LARP1: variants seen among roughly 807,000 people sequenced by gnomAD.
LARP1 encodes la-related protein 1.
Under a neutral mutation model 122.7 loss-of-function variants are expected in LARP1, and 36 were observed. The ratio of observed to expected loss-of-function variants is 0.29; its 90% CI spans 0.22 to 0.39. The LOEUF is 0.39. LARP1 is among the 10% of genes least tolerant of loss of function. The pLI is 1.00. For missense variants in LARP1, 1,040 were observed against 1,403.6 expected (o/e 0.74, Z 4.14); for synonymous variants, 539 against 528.7 (o/e 1.02, Z -0.27).
chr5:154,715,848 A>C (rs1269566334), intron 1 of LARP1, among the ~76,000 whole-genome samples: 1 of 152,198 alleles, frequency 6.6e-6, no homozygotes, highest in African/African-American at 2.4e-5. Flanking sequence ...ATGAGCTAAC[A>C]ATTTTACTAG....
chr5:154,795,920 ATTT>A (rs1757733511), intron 8 of LARP1, among the ~76,000 whole-genome samples: 1 of 104,670 alleles, frequency 9.6e-6, no homozygotes, highest in Admixed American at 1.4e-4. Context: ...TTTATTATAT[ATTT>A]ATATTTATAT....
chr5:154,718,598 G>A (rs1028012160), intron 1 of LARP1: 4 of 152,226 alleles, frequency 2.6e-5, no homozygotes, highest in African/African-American at 9.7e-5. Context: ...TTAGCATATT[G>A]TGCTATACCC....
In LARP1 at chr5:154,779,727, C is replaced by T. The variant is rs374252115; in HGVS notation, c.437-10598C>T. Among the ~76,000 whole-genome samples the T allele has an allele frequency of 5.1e-4, 77 of 152,154 alleles. No homozygotes were observed. The East Asian group carries it at 5.2e-3, about 10-fold the overall frequency. On this transcript the variant is annotated intron_variant, in intron 1 of 18. Coordinates refer to ENST00000518297, the MANE Select transcript of LARP1 (RefSeq NM_033551.3). Reference sequence around the variant, plus strand: ...TTCTCCATGTTGGTCAGTCTGGTCTCGGACTCCTGACCTCAGGTGATCCGC... The same window carrying T: ...TTCTCCATGTTGGTCAGTCTGGTCTTGGACTCCTGACCTCAGGTGATCCGC...
At chr5:154,778,519 C>T (rs1244140031) in intron 1 of LARP1, among the ~76,000 whole-genome samples, 1 of 152,024 alleles carries the variant, frequency 6.6e-6, no homozygotes, top group Non-Finnish European at 1.5e-5. Context: ...GAATGCATGC[C>T]AAAAATCTTA....
chr5:154,775,509 A>AT (rs1426683622), intron 1 of LARP1, among the ~76,000 whole-genome samples: 1 of 150,596 alleles, frequency 6.6e-6, no homozygotes, highest in Non-Finnish European at 1.5e-5. Flanking sequence ...AAAAAAAAAA[A>AT]GGCGACTCCC....
chr5:154,772,592 C>G lies in LARP1; in HGVS notation c.436+16399C>G, dbSNP rs541733957. 2.6e-5 allele frequency among the ~76,000 whole-genome samples: 4 copies of G among 152,172 alleles called. No individual in the cohort carries two copies. In the South Asian group the frequency reaches 8.3e-4, roughly 32 times the overall value. ...GATAAAGGTTAATTTGTAAATTAGG[C>G]GCAGTAAGAGATTAACAACAACAAA... On this transcript the variant is annotated intron_variant, in intron 1 of 18. Transcript: ENST00000518297.
chr5:154,771,876 A>G (rs1429501018), intron 1 of LARP1, among the ~76,000 whole-genome samples: 1 of 152,176 alleles, frequency 6.6e-6, no homozygotes, highest in East Asian at 1.9e-4. Context: ...GGGGTTCTCT[A>G]CAGGCTTTGG....
chr5:154,713,912 G>T (rs994944612), intron 1 of LARP1, among the ~76,000 whole-genome samples: 1 of 152,242 alleles, frequency 6.6e-6, no homozygotes, highest in African/African-American at 2.4e-5. Context: ...GTGTGGCCAG[G>T]AGAGTGATGG....
intron 1 of LARP1, among the ~76,000 whole-genome samples, chr5:154,760,683 G>A (rs984047999): frequency 5.3e-5 from 8 of 152,160 alleles, no homozygotes; most frequent in Non-Finnish European, 2.9e-5. Context: ...AGGGAAATGG[G>A]GCTACAGGAA....
At chr5:154,686,675 C>T (rs1753954623) in intron 1 of LARP1, among the ~76,000 whole-genome samples, 3 of 152,188 alleles carry the variant, frequency 2.0e-5, no homozygotes, top group Non-Finnish European at 2.9e-5. Context: ...TTGCATCACA[C>T]CCAGCTCTCT....
chr5:154,746,205 T>C lies in LARP1; in HGVS notation c.205+33075T>C, dbSNP rs952972044. On this transcript the variant is annotated intron_variant, in intron 1 of 18. Coordinates refer to the LARP1 transcript ENST00000336314. ...AACAATGTGCTAGTGTAGGGAGTTTTGTTCCCAGCGGGAGGGACCATGTCT... is the reference window on the plus strand; with the variant it reads ...AACAATGTGCTAGTGTAGGGAGTTTCGTTCCCAGCGGGAGGGACCATGTCT... Among the ~76,000 whole-genome samples, 3 of 151,746 alleles carry C rather than the reference T, an allele frequency of 2.0e-5. No individual in the cohort carries two copies. The East Asian group carries it at 5.9e-4, about 30-fold the overall frequency.
chr5:154,755,768 A>T lies in LARP1; in HGVS notation c.11A>T (p.Gln4Leu). ...GGGGCGGGCGCGCAGATGGCCACTC[A>T]GGTGGAGCCGCTGCTGCCTGGGGGC... Reference protein sequence around the residue: MATQVEPLLPGGAT... With the variant: MATLVEPLLPGGAT... Residue 4 changes from glutamine to leucine, a missense_variant, in exon 1 of 19, where the codon CAG becomes CTG. This residue lies in a region of LARP1 where 257 missense variants were observed against 273.3 expected (regional missense o/e 0.94). Transcript: ENST00000518297. 7 of 987,958 alleles carry T rather than the reference A, an allele frequency of 7.1e-6. No homozygotes were observed. Among genetic ancestry groups the T allele is most frequent in the Non-Finnish European group, 8.4e-6 (7 of 831,130 alleles). 61.2% of individuals were successfully genotyped at this position (987,958 alleles called of 1,614,324 possible).
chr5:154,807,643 T>C (rs1052746824), intron 15 of LARP1, among the ~76,000 whole-genome samples: 6 of 152,178 alleles, frequency 3.9e-5, no homozygotes, highest in Non-Finnish European at 8.8e-5. Context: ...CTCGAACTAT[T>C]GGGCTCAAGC....
At chr5:154,765,550 C>T (rs1754871064) in intron 1 of LARP1, among the ~76,000 whole-genome samples, 2 of 152,136 alleles carry the variant, frequency 1.3e-5, no homozygotes, top group South Asian at 2.1e-4. Context: ...CACGTCACCA[C>T]GCCTGGCCAG....
rs192624832 is a variant in LARP1 at position 154,690,656 on chromosome 5, G to A, written c.-180+7619G>A. 2.7e-3 allele frequency among the ~76,000 whole-genome samples: 416 copies of A among 152,334 alleles called. 1 individual carries two copies. The highest frequency in any genetic ancestry group is 4.2e-3 in the Non-Finnish European group (288 of 68,040). ...TGGGTGATATGGCTGAGCAGCAGGC[G>A]GAGGCTTTGTACCCCCAGCTGCGGA... On this transcript the variant is annotated intron_variant, in intron 1 of 18. Coordinates refer to the LARP1 transcript ENST00000687700.
chr5:154,754,643 C>T (rs1753684405), upstream of LARP1, among the ~76,000 whole-genome samples: 1 of 152,256 alleles, frequency 6.6e-6, no homozygotes. Flanking sequence ...ACTTCCTAGG[C>T]GCCGGCTGCC....
intron 15 of LARP1, among the ~76,000 whole-genome samples, chr5:154,807,230 A>G (rs910538401): frequency 1.3e-5 from 2 of 152,190 alleles, no homozygotes; most frequent in East Asian, 1.9e-4. Flanking sequence ...TTGTGTATCC[A>G]TTCATCAGTT....
chr5:154,740,283 C>T (rs901606926), intron 1 of LARP1, among the ~76,000 whole-genome samples: 1 of 150,226 alleles, frequency 6.7e-6, no homozygotes, highest in Non-Finnish European at 1.5e-5. Flanking sequence ...ATCCCAGCTA[C>T]TGGGGAGGCT....
upstream of LARP1, among the ~76,000 whole-genome samples, chr5:154,754,105 T>G (rs1753652608): frequency 6.6e-6 from 1 of 152,186 alleles, no homozygotes; most frequent in Admixed American, 6.5e-5. Context: ...TTCAAAGAAG[T>G]CTTCCCTTAT....
Sources: allele counts gnomAD v4.1 joint callset (sites outside exome capture counted in the v4.1 genomes callset), GRCh38; gene constraint gnomAD v4.1.1; regional missense constraint gnomAD v4.1.1; transcripts MANE v1.5; gene names NCBI Gene and HGNC (gene_info 2026-07-23, HGNC 2026-07-21).